The following ZNF710 variants were observed in gnomAD, a reference collection of about 807,000 sequenced individuals.
ZNF710 encodes zinc finger protein 710.
A neutral mutation model predicts 50.6 loss-of-function variants in ZNF710; 13 were observed. The ratio of observed to expected loss-of-function variants is 0.26; its 90% CI spans 0.17 to 0.41. ZNF710 has a LOEUF of 0.41. Ranked by LOEUF, ZNF710 falls within the 10% of genes least tolerant of loss-of-function variation. The pLI, the probability that ZNF710 is intolerant of heterozygous loss-of-function variation, is 1.00. For missense variants in ZNF710, 721 were observed against 936.6 expected (o/e 0.77, Z 3.01); for synonymous variants, 383 against 397.0 (o/e 0.96, Z 0.42).
chr15:90,073,311 G>A (rs201307760), intron 3 of ZNF710, 49 bp downstream of exon 3: 4 of 1,579,624 alleles, frequency 2.5e-6, no homozygotes, highest in Non-Finnish European at 3.5e-6. Context: ...AGGGTGGTCT[G>A]GAATCAGCAT....
At chr15:90,023,193 C>G (rs913909337) in intron 1 of ZNF710, among the ~76,000 whole-genome samples, 3 of 152,182 alleles carry the variant, frequency 2.0e-5, no homozygotes, top group African/African-American at 7.2e-5. Context: ...GAGTCCAAAG[C>G]TCACACTCCA....
rs1281754515 is a variant in ZNF710 at position 90,074,109 on chromosome 15, G to T, written c.1651-7G>T. The T allele has an allele frequency of 1.9e-6, 3 of 1,612,646 alleles. No individual in the cohort carries two copies. In the East Asian group the frequency reaches 6.7e-5, roughly 36 times the overall value. ...CAGGCTCAGGACACCGGGTTGATGT[G>T]TTCTAGGTGTGCGGGAAGTCCTTCA... On this transcript the variant is annotated splice_region_variant and splice_polypyrimidine_tract_variant and intron_variant, in intron 3 of 4. Transcript: ENST00000268154.
intron 1 of ZNF710, among the ~76,000 whole-genome samples, chr15:90,041,925 T>C (rs1596283386): frequency 6.9e-6 from 1 of 144,956 alleles, no homozygotes; most frequent in African/African-American, 2.6e-5. Flanking sequence ...TGAGATAGAG[T>C]TTCGCTCTGT....
intron 1 of ZNF710, among the ~76,000 whole-genome samples, chr15:90,044,827 C>T (rs1420054264): frequency 2.6e-5 from 4 of 152,104 alleles, no homozygotes; most frequent in Non-Finnish European, 5.9e-5. Flanking sequence ...TGGATAGCAC[C>T]GCAGCAAGGC....
rs576521581 is a variant in ZNF710 at position 90,020,121 on chromosome 15, A to G, written c.-29+18507A>G. On this transcript the variant is annotated intron_variant, in intron 1 of 4. Transcript: ENST00000268154. ...GGGAAGTTTGATGGAATTACTGAGG[A>G]AGTAGCATTTACGTGGTCTAAATCG... Among the ~76,000 whole-genome samples the G allele has an allele frequency of 3.9e-4, 60 of 152,224 alleles. 1 individual carries two copies. Among genetic ancestry groups the G allele is most frequent in the Admixed American group, 6.5e-4 (10 of 15,288 alleles).
At chr15:90,038,959 G>A (rs542207988) in intron 1 of ZNF710, among the ~76,000 whole-genome samples, 1 of 152,236 alleles carries the variant, frequency 6.6e-6, no homozygotes, top group South Asian at 2.1e-4. Context: ...AAAAGCAATG[G>A]CTTTGGTAAC....
At chr15:90,055,587 TTC>T (rs1480515475) in intron 1 of ZNF710, among the ~76,000 whole-genome samples, 1 of 152,236 alleles carries the variant, frequency 6.6e-6, no homozygotes, top group Non-Finnish European at 1.5e-5. Context: ...TGCTTCAGTC[TTC>T]TCTCTTTTGA....
chr15:90,028,772 G>A (rs56381754), intron 1 of ZNF710, among the ~76,000 whole-genome samples: 2,253 of 152,316 alleles, frequency 0.015, 55 homozygotes, highest in African/African-American at 0.052. Context: ...ATGGGGATGT[G>A]TGTGAACGGT....
chr15:90,012,830 TA>T (rs1213571614), intron 1 of ZNF710, among the ~76,000 whole-genome samples: 1 of 152,052 alleles, frequency 6.6e-6, no homozygotes, highest in Non-Finnish European at 1.5e-5. Context: ...TGTGAATGAT[TA>T]TTTTTTTTTA....
intron 1 of ZNF710, among the ~76,000 whole-genome samples, chr15:90,060,107 A>T (rs1389331233): frequency 2.0e-5 from 1 of 50,214 alleles, no homozygotes. Flanking sequence ...ACCCCACCCC[A>T]CCCCCATACT....
At chr15:90,031,476 TTTG>T (rs1341226292) in intron 1 of ZNF710, among the ~76,000 whole-genome samples, 1 of 152,206 alleles carries the variant, frequency 6.6e-6, no homozygotes, top group East Asian at 1.9e-4. Context: ...TCCTGTCTCC[TTTG>T]AGGAAATCGG....
Position 90,001,505 on chromosome 15 carries a change from G to C in ZNF710, c.-138G>C, listed in dbSNP as rs951150362. On this transcript the variant is annotated 5_prime_UTR_variant, in exon 1 of 5. Coordinates refer to ENST00000268154, the MANE Select transcript of ZNF710 (RefSeq NM_198526.4). ...GCAGGCGGCGGGCGCGCGTGGAGGC[G>C]GGCGGCGGGCGCACAGCAGCAGCCC... is the stretch of plus-strand genomic sequence containing the variant. The C allele has an allele frequency of 2.0e-5, 3 of 149,696 alleles. No individual in the cohort carries two copies. Among genetic ancestry groups the C allele is most frequent in the African/African-American group, 7.3e-5 (3 of 40,836 alleles). The allele number at this position is 149,696 out of a possible 1,614,324, so 9.3% of individuals were successfully genotyped here. A position where few individuals can be genotyped will look rare whatever the true frequency, so the allele number is the denominator to read the frequency against.
chr15:90,035,094 T>C (rs569299233), intron 1 of ZNF710, among the ~76,000 whole-genome samples: 70 of 152,350 alleles, frequency 4.6e-4, no homozygotes, highest in African/African-American at 1.6e-3. Flanking sequence ...AGGGGAGCAC[T>C]GCTGGAGGAT....
intron 1 of ZNF710, among the ~76,000 whole-genome samples, chr15:90,024,160 G>A (rs916300261): frequency 1.1e-4 from 16 of 152,278 alleles, no homozygotes; most frequent in African/African-American, 3.6e-4. Context: ...CCCAGGCGGC[G>A]AGCATTCCCA....
intron 1 of ZNF710, among the ~76,000 whole-genome samples, chr15:90,006,170 C>T (rs1405843388): frequency 6.6e-6 from 1 of 151,938 alleles, no homozygotes; most frequent in Non-Finnish European, 1.5e-5. Context: ...ATTTTAGGGG[C>T]CTAACTGTTC....
At chr15:90,030,633 A>C (rs1359539305) in intron 1 of ZNF710, among the ~76,000 whole-genome samples, 1 of 152,106 alleles carries the variant, frequency 6.6e-6, no homozygotes, top group East Asian at 1.9e-4. Context: ...CTGGGTGGGA[A>C]TATGAAGCCA....
chr15:90,053,348 C>CTTTTTTTTTTTT (rs111542346), intron 1 of ZNF710, among the ~76,000 whole-genome samples: 1 of 144,664 alleles, frequency 6.9e-6, no homozygotes, highest in African/African-American at 2.6e-5. Flanking sequence ...CAGTGAATTC[C>CTTTTTTTTTTTT]TTTTTTTTTT....
chr15:89,999,633 T>A (rs1030474612), upstream of ZNF710, among the ~76,000 whole-genome samples: 1 of 151,610 alleles, frequency 6.6e-6, no homozygotes, highest in African/African-American at 2.4e-5. Context: ...GTGACTGGAG[T>A]CATAGCTCAG....
intron 1 of ZNF710, among the ~76,000 whole-genome samples, chr15:90,023,829 T>C (rs1898693427): frequency 1.3e-5 from 2 of 152,086 alleles, no homozygotes; most frequent in Non-Finnish European, 2.9e-5. Context: ...AAACCCGGTC[T>C]CTACCAAAAA....
Sources: allele counts gnomAD v4.1 joint callset (sites outside exome capture counted in the v4.1 genomes callset), GRCh38; gene constraint gnomAD v4.1.1; transcripts MANE v1.5; gene names NCBI Gene and HGNC (gene_info 2026-07-23, HGNC 2026-07-21).